The following GADL1 variants were observed in gnomAD, a reference collection of about 807,000 sequenced individuals.
GADL1 encodes the protein GAD like acidic amino acid decarboxylase 1.
In GADL1, 71 loss-of-function variants were observed where a neutral mutation model predicts 69.5. The observed-to-expected ratio is 1.02, with a 90% CI of 0.84 to 1.25. GADL1 has a LOEUF of 1.25. Ranked by LOEUF, GADL1 falls within the 50% of genes most tolerant of loss-of-function variation. The probability of loss-of-function intolerance (pLI) is 0.00; values close to 1 mark genes in which losing one functional copy is unlikely to be tolerated. For missense variants in GADL1, 737 were observed against 631.8 expected (o/e 1.17, Z -1.79); for synonymous variants, 254 against 214.4 (o/e 1.18, Z -1.62).
intron 1 of GADL1, among the ~76,000 whole-genome samples, chr3:30,874,589 G>C (rs1266190497): frequency 1.3e-5 from 2 of 151,952 alleles, no homozygotes; most frequent in Non-Finnish European, 2.9e-5. Context: ...CACAGAGATT[G>C]CTTGAAGCCT....
chr3:30,758,416 C>CT (rs3042995), intron 14 of GADL1, among the ~76,000 whole-genome samples: 1 of 151,890 alleles, frequency 6.6e-6, no homozygotes, highest in African/African-American at 2.4e-5. Flanking sequence ...TGCCTTTTAT[C>CT]TTTCCCGTCT....
intron 14 of GADL1, among the ~76,000 whole-genome samples, chr3:30,757,066 CACA>C (rs1695991921): frequency 1.3e-5 from 2 of 152,142 alleles, no homozygotes; most frequent in African/African-American, 4.8e-5. Context: ...TGGTGGTAGT[CACA>C]ACTTCTGGCT....
At chr3:30,751,991 C>G (rs1172231108) in intron 14 of GADL1, among the ~76,000 whole-genome samples, 1 of 151,872 alleles carries the variant, frequency 6.6e-6, no homozygotes, top group Non-Finnish European at 1.5e-5. Context: ...TGATGGCTGT[C>G]TAAATAAGAT....
chr3:30,831,096 C>T (rs765438584), intron 11 of GADL1, among the ~76,000 whole-genome samples: 4 of 151,916 alleles, frequency 2.6e-5, no homozygotes, highest in Non-Finnish European at 5.9e-5. Flanking sequence ...TCCATCTATT[C>T]TTGTTCCCCT....
intron 9 of GADL1, among the ~76,000 whole-genome samples, chr3:30,838,553 T>C (rs1333049226): frequency 1.3e-5 from 2 of 152,146 alleles, no homozygotes; most frequent in African/African-American, 4.8e-5. Context: ...TTTGGAATCA[T>C]AATTTTAGAG....
chr3:30,729,495 T>C (rs1309486883), intron 14 of GADL1, among the ~76,000 whole-genome samples: 6 of 152,272 alleles, frequency 3.9e-5, no homozygotes, highest in South Asian at 4.1e-4. Flanking sequence ...GGAGTACATA[T>C]AGAAAGAACA....
At chr3:30,747,758 G>C (rs1230681718) in intron 14 of GADL1, among the ~76,000 whole-genome samples, 1 of 152,102 alleles carries the variant, frequency 6.6e-6, no homozygotes, top group Non-Finnish European at 1.5e-5. Flanking sequence ...ATCCTATCCT[G>C]TAAATATTTT....
At chr3:30,770,700 G>A (rs971159952) in intron 14 of GADL1, among the ~76,000 whole-genome samples, 10 of 152,106 alleles carry the variant, frequency 6.6e-5, no homozygotes, top group East Asian at 1.9e-4. Context: ...CCTCAGGCCC[G>A]TGAGCTCAGC....
chr3:30,752,525 CTGTT>C (rs1034738974), intron 14 of GADL1, among the ~76,000 whole-genome samples: 8 of 152,182 alleles, frequency 5.3e-5, no homozygotes, highest in East Asian at 1.9e-4. Context: ...CTGTGGGACA[CTGTT>C]TGCTTCTTTA....
intron 14 of GADL1, among the ~76,000 whole-genome samples, chr3:30,734,600 G>T (rs555755523): frequency 6.6e-6 from 1 of 152,188 alleles, no homozygotes; most frequent in African/African-American, 2.4e-5. Context: ...GAAAGTGGTT[G>T]TTTTAGTCTT....
intron 14 of GADL1, among the ~76,000 whole-genome samples, chr3:30,752,995 T>C (rs899910498): frequency 3.9e-5 from 6 of 152,268 alleles, no homozygotes; most frequent in East Asian, 3.9e-4. Flanking sequence ...TATTTAAATA[T>C]TAAATTTTAA....
At chr3:30,782,313 T>C (rs745738481) in intron 13 of GADL1, among the ~76,000 whole-genome samples, 10 of 152,120 alleles carry the variant, frequency 6.6e-5, no homozygotes, top group Non-Finnish European at 1.3e-4. Context: ...TAGCAGACAG[T>C]ACCTAGATAG....
intron 6 of GADL1, among the ~76,000 whole-genome samples, chr3:30,849,471 A>G (rs1406493446): frequency 6.6e-6 from 1 of 152,186 alleles, no homozygotes; most frequent in Non-Finnish European, 1.5e-5. Context: ...CTATGCGCTT[A>G]TCTACTGTCT....
rs1575241842 is a variant in GADL1 at position 30,868,961 on chromosome 3, G to C, written c.38-7196C>G. The stretch of plus-strand genomic sequence containing the variant: ...AGGGAGGCAGAAGGGTCAGGACTTA[G>C]AGAATCCCGTAGGCCGGTCCAAGAG... On this transcript the variant is annotated intron_variant, in intron 1 of 14. Transcript: ENST00000282538. Among the ~76,000 whole-genome samples the C allele has an allele frequency of 2.6e-5, 4 of 151,810 alleles. No individual in the cohort carries two copies. In the South Asian group the frequency reaches 8.3e-4, roughly 31 times the overall value.
At chr3:30,805,732 GC>G (rs894178345) in intron 11 of GADL1, among the ~76,000 whole-genome samples, 2 of 83,516 alleles carry the variant, frequency 2.4e-5, no homozygotes, top group African/African-American at 1.3e-4. Context: ...GCAGTCCCCA[GC>G]CTTTTTTTTT....
At chr3:30,844,066 C>T in intron 8 of GADL1, 144 bp downstream of exon 8, 1 of 657,428 alleles carries the variant, frequency 1.5e-6, no homozygotes, top group Non-Finnish European at 2.7e-6. Context: ...ATTTTAATTC[C>T]AACATTCTCT....
chr3:30,729,818 A>G (rs149606046), intron 14 of GADL1, among the ~76,000 whole-genome samples: 59 of 152,368 alleles, frequency 3.9e-4, no homozygotes, highest in African/African-American at 1.1e-3. Context: ...ATTTTAGAAT[A>G]TAAGTCTTGC....
In GADL1 at chr3:30,801,964, T is replaced by C. The variant is rs1021546300; in HGVS notation, c.1051-876A>G. On this transcript the variant is annotated intron_variant, in intron 11 of 14. Coordinates refer to ENST00000282538, the MANE Select transcript of GADL1 (RefSeq NM_207359.3). ...CCTGTCTCATCTATGTCTTGTCTTA[T>C]ACCATTTGCTTGAATCTAACTCTCT... 1.6e-4 allele frequency among the ~76,000 whole-genome samples: 24 copies of C among 152,338 alleles called. 1 individual carries two copies. The highest frequency in any genetic ancestry group is 4.6e-4 in the African/African-American group (19 of 41,582).
At chr3:30,849,029 C>CT (rs1698101783) in intron 6 of GADL1, among the ~76,000 whole-genome samples, 1 of 152,090 alleles carries the variant, frequency 6.6e-6, no homozygotes, top group African/African-American at 2.4e-5. Context: ...GTAACAATGG[C>CT]CAGTTCTGAG....
Sources: gnomAD v4.1 joint callset for allele counts (sites outside exome capture counted in the v4.1 genomes callset) on GRCh38, gnomAD v4.1.1 for gene constraint, MANE v1.5 for transcripts, NCBI Gene and HGNC (gene_info 2026-07-23, HGNC 2026-07-21) for gene names.